The following GALNT3 variants were observed in gnomAD, a reference collection of about 807,000 sequenced individuals.
The protein encoded by GALNT3 is GalNAc transferase 3.
Under a neutral mutation model 69.8 loss-of-function variants are expected in GALNT3, and 51 were observed. The observed-to-expected ratio is 0.73, with a 90% CI of 0.58 to 0.92. The LOEUF (loss-of-function observed/expected upper bound fraction) is 0.92, where lower values mean the gene tolerates loss of function less well. Ranked by LOEUF, GALNT3 falls within the 40% of genes least tolerant of loss-of-function variation. The pLI, the probability that GALNT3 is intolerant of heterozygous loss-of-function variation, is 0.00. For missense variants in GALNT3, 711 were observed against 760.0 expected, an observed-to-expected ratio of 0.94 and a Z score of 0.76; for synonymous variants, 265 against 248.5, an observed-to-expected ratio of 1.07 and a Z score of -0.63.
chr2:165,792,159 T>C (rs1683367661), intron 1 of GALNT3, among the ~76,000 whole-genome samples: 1 of 152,174 alleles, frequency 6.6e-6, no homozygotes, highest in Non-Finnish European at 1.5e-5. Context: ...GAAAGGGATC[T>C]CGAGAATGCT....
chr2:165,780,084 G>A (rs745759067), intron 1 of GALNT3, among the ~76,000 whole-genome samples: 3 of 152,108 alleles, frequency 2.0e-5, no homozygotes, highest in East Asian at 1.9e-4. Context: ...CAGCAGCAGC[G>A]CTATCCCAGT....
At chr2:165,778,467 G>A (rs1410875135) in intron 1 of GALNT3, among the ~76,000 whole-genome samples, 1 of 152,142 alleles carries the variant, frequency 6.6e-6, no homozygotes, top group African/African-American at 2.4e-5. Context: ...TATTAAAAGA[G>A]GATTGGAGTA....
At chr2:165,754,841 T>C in intron 8 of GALNT3, 91 bp downstream of exon 8, 1 of 1,451,516 alleles carries the variant, frequency 6.9e-7, no homozygotes, top group Non-Finnish European at 9.6e-7. Context: ...TCAAAAGCAA[T>C]AAAGAAAGTA....
At chr2:165,789,016 G>C (rs138153920) in intron 1 of GALNT3, among the ~76,000 whole-genome samples, 2 of 152,310 alleles carry the variant, frequency 1.3e-5, no homozygotes, top group African/African-American at 4.8e-5. Context: ...TACCTTGGTT[G>C]AGAGATGTTA....
chr2:165,749,922 C>T (rs757646735), intron 9 of GALNT3, 28 bp from the exon 10 acceptor site: 1 of 1,610,498 alleles, frequency 6.2e-7, no homozygotes, highest in Non-Finnish European at 8.5e-7. Context: ...CTGTTACTGA[C>T]AAAAGCAACC....
chr2:165,772,158 A>T (rs1405591559), intron 1 of GALNT3, among the ~76,000 whole-genome samples: 1 of 152,200 alleles, frequency 6.6e-6, no homozygotes, highest in Non-Finnish European at 1.5e-5. Flanking sequence ...GTAATTAATT[A>T]TGTGTCAAAT....
chr2:165,758,868 A>G lies in GALNT3; in HGVS notation c.1074-4T>C. On this transcript the variant is annotated splice_region_variant and splice_polypyrimidine_tract_variant and intron_variant, in intron 5 of 10. Coordinates refer to ENST00000392701, the MANE Select transcript of GALNT3 (RefSeq NM_004482.4). ...TCCTCCTGCAAAAGTGGGTGTTCTG[A>G]AAAATAATCCATTGTCAAATTTTGT... The G allele has an allele frequency of 6.5e-7, 1 of 1,530,224 alleles. No individual in the cohort carries two copies. The highest frequency in any genetic ancestry group is 9.1e-7 in the Non-Finnish European group (1 of 1,103,868). 94.8% of individuals were successfully genotyped at this position (1,530,224 alleles called of 1,614,324 possible).
intron 5 of GALNT3, 147 bp from the exon 6 acceptor site, chr2:165,759,011 A>G (rs1029855345): frequency 2.5e-5 from 17 of 692,198 alleles, no homozygotes; most frequent in Non-Finnish European, 2.5e-5. Flanking sequence ...TGCTATCTTC[A>G]AAGTCAAGAT....
At chr2:165,781,326 G>A (rs1464964029) in intron 1 of GALNT3, among the ~76,000 whole-genome samples, 1 of 152,156 alleles carries the variant, frequency 6.6e-6, no homozygotes, top group Non-Finnish European at 1.5e-5. Context: ...TTGAGGCTGG[G>A]TGCAGTGGCT....
chr2:165,773,797 TAAA>T (rs80285814), intron 1 of GALNT3, among the ~76,000 whole-genome samples: 1 of 134,638 alleles, frequency 7.4e-6, no homozygotes, highest in Non-Finnish European at 1.6e-5. Context: ...GGAGGGGTGG[TAAA>T]AAAAAAAAAA....
At chr2:165,755,893 A>G (rs544533010) in intron 7 of GALNT3, among the ~76,000 whole-genome samples, 22 of 152,292 alleles carry the variant, frequency 1.4e-4, no homozygotes, top group South Asian at 1.0e-3. Flanking sequence ...TATTACATTT[A>G]CCATGTAGAT....
At position 165,757,101 on chromosome 2, in the gene GALNT3, T is replaced by G. The variant is rs1262954202; in HGVS notation, c.1338A>C (p.Glu446Asp). 1 of 1,614,064 alleles carries G rather than the reference T, an allele frequency of 6.2e-7. No individual in the cohort carries two copies. The highest frequency in any genetic ancestry group is 2.2e-5 in the East Asian group (1 of 44,866). ...TTCTCCTATAAAATATTTCCTTGTATTCATCCATCCAGACTTCTGCAAGGC... is the reference window on the plus strand; with the variant it reads ...TTCTCCTATAAAATATTTCCTTGTAGTCATCCATCCAGACTTCTGCAAGGC... ...QVRLAEVWMD[E>D]YKEIFYRRNT... is the part of the protein sequence containing the mutation. Residue 446 changes from glutamate (E) to aspartate (D), a missense_variant, in exon 7 of 11, where the codon GAA becomes GAC. Transcript: ENST00000392701.
At chr2:165,754,392 CTTTTTTTT>C (rs137893523) in intron 9 of GALNT3, among the ~76,000 whole-genome samples, 9 of 61,152 alleles carry the variant, frequency 1.5e-4, no homozygotes, top group African/African-American at 5.2e-4. Context: ...GCTCGGCCTC[CTTTTTTTT>C]TTTTTTTTTT....
At chr2:165,773,003 T>C (rs188010773) in intron 1 of GALNT3, among the ~76,000 whole-genome samples, 5 of 152,250 alleles carry the variant, frequency 3.3e-5, no homozygotes, top group Admixed American at 6.5e-5. Flanking sequence ...GTAAAGGTGA[T>C]AGATATTAAT....
intron 1 of GALNT3, among the ~76,000 whole-genome samples, chr2:165,788,681 A>G (rs1419290999): frequency 1.3e-5 from 2 of 152,036 alleles, no homozygotes; most frequent in Non-Finnish European, 2.9e-5. Flanking sequence ...AGCTATAGAT[A>G]GATGTAAAGA....
chr2:165,773,367 T>C (rs1688788126), intron 1 of GALNT3, among the ~76,000 whole-genome samples: 1 of 152,222 alleles, frequency 6.6e-6, no homozygotes, highest in African/African-American at 2.4e-5. Flanking sequence ...CTGCCATTAT[T>C]GTGAGGTCTC....
intron 1 of GALNT3, among the ~76,000 whole-genome samples, chr2:165,781,757 G>C (rs1559006438): frequency 6.6e-6 from 1 of 152,206 alleles, no homozygotes; most frequent in East Asian, 1.9e-4. Flanking sequence ...GAGACAATCA[G>C]CATATTATCA....
At chr2:165,767,473 C>G (rs1688664220) in intron 2 of GALNT3, among the ~76,000 whole-genome samples, 1 of 152,052 alleles carries the variant, frequency 6.6e-6, no homozygotes, top group Non-Finnish European at 1.5e-5. Flanking sequence ...TTTAATCTTG[C>G]AAGATTTTCC....
At chr2:165,769,869 AT>A (rs1688717848) in intron 2 of GALNT3, among the ~76,000 whole-genome samples, 1 of 152,170 alleles carries the variant, frequency 6.6e-6, no homozygotes, top group Non-Finnish European at 1.5e-5. Context: ...TTGTCCAATA[AT>A]TCCCCCTAAA....
Sources: allele counts gnomAD v4.1 joint callset (sites outside exome capture counted in the v4.1 genomes callset), GRCh38; gene constraint gnomAD v4.1.1; transcripts MANE v1.5; gene names NCBI Gene and HGNC (gene_info 2026-07-23, HGNC 2026-07-21).